The following SYT1 variants were observed in gnomAD, a reference collection of about 807,000 sequenced individuals.
SYT1 encodes the protein synaptotagmin-1.
In SYT1, 8 loss-of-function variants were observed where a neutral mutation model predicts 44.8. The observed-to-expected ratio is 0.18, with a 90% confidence interval of 0.10 to 0.32. SYT1 has a LOEUF of 0.32. Among genes scored for constraint, SYT1 ranks in the 10% least tolerant of loss-of-function variants. The probability of loss-of-function intolerance (pLI) is 1.00; values close to 1 mark genes in which losing one functional copy is unlikely to be tolerated. For missense variants in SYT1, 286 were observed against 509.3 expected, an observed-to-expected ratio of 0.56 and a Z score of 4.22; for synonymous variants, 154 against 188.8, an observed-to-expected ratio of 0.82 and a Z score of 1.51.
intron 3 of SYT1, among the ~76,000 whole-genome samples, chr12:79,155,775 A>G (rs533010312): frequency 1.3e-5 from 2 of 152,318 alleles, no homozygotes; most frequent in Admixed American, 1.3e-4. Context: ...TGATGACTCC[A>G]TTTCAGAAGG....
chr12:78,966,076 CA>C (rs1355976130), intron 1 of SYT1, among the ~76,000 whole-genome samples: 4,774 of 80,484 alleles, frequency 0.059, 102 homozygotes, highest in East Asian at 0.12. Context: ...GACTCTGTCT[CA>C]AAAAAAAAAA....
At chr12:79,065,989 A>C (rs1247828217) in intron 3 of SYT1, among the ~76,000 whole-genome samples, 1 of 152,182 alleles carries the variant, frequency 6.6e-6, no homozygotes, top group Non-Finnish European at 1.5e-5. Context: ...TGGGAAAAAG[A>C]TATAAATGAA....
At chr12:79,260,379 C>A (rs996919468) in intron 4 of SYT1, among the ~76,000 whole-genome samples, 8 of 152,162 alleles carry the variant, frequency 5.3e-5, no homozygotes, top group Non-Finnish European at 1.0e-4. Flanking sequence ...TGACATAATG[C>A]TACTTTAACA....
intron 2 of SYT1, among the ~76,000 whole-genome samples, chr12:79,027,540 A>G (rs923048740): frequency 6.6e-6 from 1 of 151,430 alleles, no homozygotes; most frequent in Non-Finnish European, 1.5e-5. Flanking sequence ...GATATTATGT[A>G]GATATATATA....
At chr12:79,118,869 C>G (rs1370798875) in intron 3 of SYT1, among the ~76,000 whole-genome samples, 1 of 152,176 alleles carries the variant, frequency 6.6e-6, no homozygotes, top group Non-Finnish European at 1.5e-5. Context: ...TCTGATTACT[C>G]TCAAATCCAT....
intron 3 of SYT1, among the ~76,000 whole-genome samples, chr12:79,142,200 C>G (rs79637047): frequency 6.6e-6 from 1 of 152,220 alleles, no homozygotes; most frequent in African/African-American, 2.4e-5. Flanking sequence ...TGGGGACTCA[C>G]AGCTCACTCA....
intron 3 of SYT1, among the ~76,000 whole-genome samples, chr12:79,068,342 T>C (rs1434425047): frequency 6.6e-6 from 1 of 152,146 alleles, no homozygotes; most frequent in Non-Finnish European, 1.5e-5. Flanking sequence ...TATTTTATAG[T>C]GTACTCTAAT....
chr12:79,284,020 T>G (rs1428686319), intron 4 of SYT1, among the ~76,000 whole-genome samples: 2 of 152,128 alleles, frequency 1.3e-5, no homozygotes, highest in African/African-American at 4.8e-5. Context: ...TATCAAAGTA[T>G]TCCTGACTGG....
intron 5 of SYT1, among the ~76,000 whole-genome samples, chr12:79,291,378 G>T (rs572949218): frequency 2.6e-4 from 39 of 152,284 alleles, no homozygotes; most frequent in South Asian, 2.5e-3. Flanking sequence ...GAGCTGTTAT[G>T]AAAATAAAGT....
intron 8 of SYT1, among the ~76,000 whole-genome samples, chr12:79,301,048 C>A (rs2138885189): frequency 6.6e-6 from 1 of 151,326 alleles, no homozygotes; most frequent in East Asian, 1.9e-4. Flanking sequence ...AATTATTTAA[C>A]AAAGTAGTGG....
chr12:79,269,598 G>A (rs192036186), intron 4 of SYT1, among the ~76,000 whole-genome samples: 2 of 152,194 alleles, frequency 1.3e-5, no homozygotes, highest in Admixed American at 6.5e-5. Context: ...TTGATGCTCT[G>A]AGAAACAGGT....
chr12:78,927,749 G>T (rs1195413811), intron 1 of SYT1, among the ~76,000 whole-genome samples: 1 of 152,132 alleles, frequency 6.6e-6, no homozygotes, highest in East Asian at 1.9e-4. Flanking sequence ...GGCTTCCGTT[G>T]CTACAGTTGC....
chr12:78,974,817 A>C (rs61928069), intron 1 of SYT1, among the ~76,000 whole-genome samples: 12,689 of 152,000 alleles, frequency 0.083, 657 homozygotes, highest in African/African-American at 0.14. Context: ...TAAATTTCAT[A>C]TCCTACCCCT....
At chr12:79,343,024 A>G (rs762659830) in intron 8 of SYT1, among the ~76,000 whole-genome samples, 10 of 152,230 alleles carry the variant, frequency 6.6e-5, no homozygotes, top group Non-Finnish European at 8.8e-5. Context: ...CACCCTGCAA[A>G]GGGAGACCAA....
Position 79,416,684 on chromosome 12 carries a change from T to C in SYT1, c.929-27389T>C, listed in dbSNP as rs527599369. Among the ~76,000 whole-genome samples the C allele has an allele frequency of 2.6e-5, 4 of 152,308 alleles. No homozygotes were observed. The South Asian group carries it at 8.3e-4, about 32-fold the overall frequency. ...CTAAGAATGGAAAGAAAAGGCTAAG[T>C]CTAATTTTTTTGCTAAAAGAATGAG... On this transcript the variant is annotated intron_variant, in intron 9 of 10. Transcript: ENST00000261205.
intron 1 of SYT1, among the ~76,000 whole-genome samples, chr12:78,893,848 A>T (rs1041074643): frequency 2.5e-4 from 38 of 151,712 alleles, no homozygotes; most frequent in Admixed American, 6.6e-4. Context: ...CAATTATAAA[A>T]AATAATAATA....
intron 9 of SYT1, among the ~76,000 whole-genome samples, chr12:79,381,404 A>G (rs950512063): frequency 6.6e-6 from 1 of 152,248 alleles, no homozygotes; most frequent in African/African-American, 2.4e-5. Context: ...GTTACAAAGT[A>G]CAGAGCAACA....
chr12:79,093,361 C>G (rs1043008211), intron 3 of SYT1, among the ~76,000 whole-genome samples: 1 of 151,662 alleles, frequency 6.6e-6, no homozygotes, highest in Non-Finnish European at 1.5e-5. Flanking sequence ...AAATAAAATG[C>G]AGGAAGTTAC....
intron 4 of SYT1, among the ~76,000 whole-genome samples, chr12:79,282,110 T>C (rs1228674177): frequency 6.6e-6 from 1 of 152,114 alleles, no homozygotes; most frequent in Non-Finnish European, 1.5e-5. Flanking sequence ...ATAAAAACTC[T>C]GGTAATTGCA....
Sources: gnomAD v4.1 joint callset for allele counts (sites outside exome capture counted in the v4.1 genomes callset) on GRCh38, gnomAD v4.1.1 for gene constraint, MANE v1.5 for transcripts, NCBI Gene and HGNC (gene_info 2026-07-23, HGNC 2026-07-21) for gene names.